Variants in EPS8 observed in about 807,000 individuals in gnomAD.
EPS8 encodes the protein EGFR pathway substrate 8, signaling adaptor.
A neutral mutation model predicts 103.8 loss-of-function variants in EPS8; 42 were observed. The observed-to-expected ratio is 0.40, with a 90% CI of 0.32 to 0.52. The LOEUF (loss-of-function observed/expected upper bound fraction) is 0.52. Among genes scored for constraint, EPS8 ranks in the 20% least tolerant of loss-of-function variants. The pLI, the probability that EPS8 is intolerant of heterozygous loss-of-function variation, is 0.40. For synonymous variants in EPS8, 344 were observed against 344.6 expected, an observed-to-expected ratio of 1.00 and a Z score of 0.02; for missense variants, 969 against 1,005.1, an observed-to-expected ratio of 0.96 and a Z score of 0.49.
At position 15,778,063 on chromosome 12, in the gene EPS8, C is replaced by CA. The variant is rs1340782622; in HGVS notation, c.-22+11097dup. ...CAAACATAGCAAACATACAAATATA[C>CA]AAAAAATATAGACCTTATTCCTAAA... On this transcript the variant is annotated intron_variant, in intron 1 of 20. Coordinates refer to ENST00000281172, the MANE Select transcript of EPS8 (RefSeq NM_004447.6). The surrounding 1 kb of genome is among the most constrained non-coding windows in gnomAD (Gnocchi z 4.5). Among the ~76,000 whole-genome samples the CA allele has an allele frequency of 2.6e-5, 4 of 152,186 alleles. No individual in the cohort carries two copies. The highest frequency in any genetic ancestry group is 2.1e-4 in the South Asian group (1 of 4,822).
intron 3 of EPS8, chr12:15,671,738 C>A (rs1475853966): frequency 6.6e-6 from 1 of 152,034 alleles, no homozygotes; most frequent in Non-Finnish European, 1.5e-5. Flanking sequence ...AATTTGAGTG[C>A]CATCTCTGCA....
In EPS8 at chr12:15,690,913, T is replaced by G. The variant is rs1946162283; in HGVS notation, c.-21-7941A>C. On this transcript the variant is annotated intron_variant, in intron 1 of 20. Transcript: ENST00000281172. The surrounding 1 kb of genome is among the most constrained non-coding windows in gnomAD (Gnocchi z 4.7). Reference sequence around the variant, plus strand: ...GTCCTAATAGGCTGCTAGAAAGTGATGCAATAAAGAAGAGTCAAGACCAAA... The same window carrying G: ...GTCCTAATAGGCTGCTAGAAAGTGAGGCAATAAAGAAGAGTCAAGACCAAA... Among the ~76,000 whole-genome samples the G allele has an allele frequency of 6.6e-6, 1 of 152,028 alleles. No individual in the cohort carries two copies. The highest frequency in any genetic ancestry group is 6.6e-5 in the Admixed American group (1 of 15,260).
At chr12:15,630,291 G>T (rs1945022983) in intron 18 of EPS8, among the ~76,000 whole-genome samples, 1 of 151,640 alleles carries the variant, frequency 6.6e-6, no homozygotes, top group East Asian at 1.9e-4. Context: ...CATAGCTCTG[G>T]TTTTCCAAGA....
intron 1 of EPS8, among the ~76,000 whole-genome samples, chr12:15,786,342 C>G (rs1319732829): frequency 6.6e-6 from 1 of 151,892 alleles, no homozygotes; most frequent in Non-Finnish European, 1.5e-5. Context: ...TACAAAATAC[C>G]TGACCAGTAC....
intron 1 of EPS8, among the ~76,000 whole-genome samples, chr12:15,782,926 T>C (rs891004689): frequency 2.6e-5 from 4 of 152,234 alleles, no homozygotes; most frequent in African/African-American, 9.6e-5. Context: ...CGGTAAATTG[T>C]GTATCACAGT....
At position 15,669,573 on chromosome 12, in the gene EPS8, C is replaced by G. The variant is rs1420205599; in HGVS notation, c.367-37G>C. On this transcript the variant is annotated intron_variant, in intron 5 of 20. Coordinates refer to ENST00000281172, the MANE Select transcript of EPS8 (RefSeq NM_004447.6). Reference sequence around the variant, plus strand: ...GTGAACATTTTATTTTGTCAAACTTCCATCCATTTTCAAACAATCTGAAAT... The same window carrying G: ...GTGAACATTTTATTTTGTCAAACTTGCATCCATTTTCAAACAATCTGAAAT... 5 of 1,570,068 alleles carry G rather than the reference C, an allele frequency of 3.2e-6. No individual in the cohort carries two copies. The South Asian group carries it at 5.9e-5, about 18-fold the overall frequency.
chr12:15,635,441 A>G (rs1945117492), intron 17 of EPS8, among the ~76,000 whole-genome samples: 1 of 152,176 alleles, frequency 6.6e-6, no homozygotes, highest in African/African-American at 2.4e-5. Context: ...TTTAAAAAAC[A>G]CTTTTGAAGA....
intron 1 of EPS8, among the ~76,000 whole-genome samples, chr12:15,699,146 A>G (rs919154261): frequency 5.3e-5 from 8 of 152,216 alleles, no homozygotes; most frequent in African/African-American, 1.9e-4. Context: ...GAGTCCAAAG[A>G]CCTATTCCTA....
chr12:15,786,420 A>G (rs1947311215), intron 1 of EPS8, among the ~76,000 whole-genome samples: 1 of 151,958 alleles, frequency 6.6e-6, no homozygotes, highest in South Asian at 2.1e-4. Context: ...CTAGGGAGAC[A>G]TTACGAGGAA....
At chr12:15,683,038 T>C in intron 1 of EPS8, 66 bp from the exon 2 acceptor site, 1 of 782,238 alleles carries the variant, frequency 1.3e-6, no homozygotes, top group Non-Finnish European at 2.0e-6. Context: ...TTTCAAAAGT[T>C]ATTCATTCAA....
intron 6 of EPS8, 91 bp downstream of exon 6, chr12:15,669,296 C>A: frequency 8.6e-7 from 1 of 1,159,254 alleles, no homozygotes; most frequent in Non-Finnish European, 1.2e-6. Context: ...AATCTAGTAA[C>A]TAATATGCAG....
chr12:15,687,751 A>G (rs1375203403), intron 1 of EPS8, among the ~76,000 whole-genome samples: 1 of 152,216 alleles, frequency 6.6e-6, no homozygotes, highest in Non-Finnish European at 1.5e-5. Context: ...GTTCTTGTCT[A>G]TTCCCTGAGT....
At chr12:15,730,007 C>T (rs570070741) in intron 1 of EPS8, among the ~76,000 whole-genome samples, 2 of 152,258 alleles carry the variant, frequency 1.3e-5, no homozygotes, top group East Asian at 3.9e-4. Context: ...GATCAAGAAC[C>T]TAAAATGGCT....
At chr12:15,732,321 T>C (rs1007894798) in intron 1 of EPS8, among the ~76,000 whole-genome samples, 7 of 152,232 alleles carry the variant, frequency 4.6e-5, no homozygotes, top group Middle Eastern at 3.4e-3. Flanking sequence ...TCCCTTTAGG[T>C]TTTCCCACAT....
rs111283627 is a variant in EPS8, at chr12:15,741,250, G to A, written c.-22+47911C>T. 2.8e-3 allele frequency among the ~76,000 whole-genome samples: 431 copies of A among 152,234 alleles called. 5 individuals carry two copies. The East Asian group carries it at 0.031, about 11-fold the overall frequency. On this transcript the variant is annotated intron_variant, in intron 1 of 20. Coordinates refer to ENST00000281172, the MANE Select transcript of EPS8 (RefSeq NM_004447.6). ...AAAGTCCAATGGGGTAACAGAGCTT[G>A]GCTTAGCACTGTGACTCATGTGCAG...
At chr12:15,624,636 A>G (rs1413028779) in intron 18 of EPS8, among the ~76,000 whole-genome samples, 1 of 152,112 alleles carries the variant, frequency 6.6e-6, no homozygotes, top group East Asian at 1.9e-4. Context: ...CAAAACCCCA[A>G]TCCTGGTTAA....
Position 15,770,275 on chromosome 12 carries a change from C to T in EPS8, c.-22+18886G>A, listed in dbSNP as rs1471438429. Among the ~76,000 whole-genome samples, 8 of 92,762 alleles carry T rather than the reference C, an allele frequency of 8.6e-5. 1 individual carries two copies. In the South Asian group the frequency reaches 1.6e-3, roughly 18 times the overall value. The allele number at this position is 92,762 out of a possible 152,430, so 60.9% of individuals were successfully genotyped here. On this transcript the variant is annotated intron_variant, in intron 1 of 20. Transcript: ENST00000281172. The stretch of plus-strand genomic sequence containing the variant: ...CTGCACTCCAGCCTGCATGACAGAG[C>T]GAGACCCTGTCTCAAAAAAAAAAAA...
chr12:15,742,492 C>A (rs1946835415), intron 1 of EPS8, among the ~76,000 whole-genome samples: 1 of 152,168 alleles, frequency 6.6e-6, no homozygotes, highest in Non-Finnish European at 1.5e-5. Context: ...CCCTAATGAA[C>A]ATCAATGCAA....
intron 1 of EPS8, among the ~76,000 whole-genome samples, chr12:15,741,835 T>C (rs1400105938): frequency 6.6e-6 from 1 of 152,114 alleles, no homozygotes; most frequent in Non-Finnish European, 1.5e-5. Flanking sequence ...TTACATTAGG[T>C]ATATCTCCTA....
Sources: allele counts gnomAD v4.1 joint callset (sites outside exome capture counted in the v4.1 genomes callset), GRCh38; gene constraint gnomAD v4.1.1; non-coding constraint Gnocchi (gnomAD v3.1); transcripts MANE v1.5; gene names NCBI Gene and HGNC (gene_info 2026-07-23, HGNC 2026-07-21).